The following GMPS variants were observed in gnomAD, a reference collection of about 807,000 sequenced individuals.
The protein encoded by GMPS is guanosine monophosphate synthase.
GMPS carries 15 observed loss-of-function variants against 77.9 expected under a neutral mutation model. The observed-to-expected ratio is 0.19, with a 90% confidence interval of 0.13 to 0.30. The LOEUF is 0.30. GMPS is among the 10% of genes least tolerant of loss of function. The pLI, the probability that GMPS is intolerant of heterozygous loss-of-function variation, is 1.00. For missense variants in GMPS, 590 were observed against 838.8 expected (o/e 0.70, Z 3.66); for synonymous variants, 224 against 275.9 (o/e 0.81, Z 1.86).
chr3:155,928,537 C>CT (rs201332484), intron 12 of GMPS, among the ~76,000 whole-genome samples: 3,395 of 147,612 alleles, frequency 0.023, 134 homozygotes, highest in East Asian at 0.16. Flanking sequence ...TTAAAATTAA[C>CT]TTTTTTTTTT....
At chr3:155,927,975 C>T (rs1367700055) in intron 12 of GMPS, among the ~76,000 whole-genome samples, 1 of 149,296 alleles carries the variant, frequency 6.7e-6, no homozygotes, top group African/African-American at 2.5e-5. Context: ...ATCAGTTATC[C>T]ATGTATTTAT....
chr3:155,913,157 G>T (rs1205515949), intron 7 of GMPS, among the ~76,000 whole-genome samples: 1 of 152,188 alleles, frequency 6.6e-6, no homozygotes, highest in African/African-American at 2.4e-5. Context: ...ATGCCAATAG[G>T]CAGGAGAGTA....
chr3:155,919,165 A>G lies in GMPS; in HGVS notation c.1213-68A>G, dbSNP rs1755257483. 1.3e-5 allele frequency: 9 copies of G among 680,832 alleles called. No homozygotes were observed. In the South Asian group the frequency reaches 1.7e-4, roughly 13 times the overall value. 42.2% of individuals were successfully genotyped at this position (680,832 alleles called of 1,614,324 possible). A position where few individuals can be genotyped will look rare whatever the true frequency, so the allele number is the denominator to read the frequency against. The stretch of plus-strand genomic sequence containing the variant: ...TGGTAACAGGAAAAGCCAATAATTT[A>G]TTACGCTTTGTTTTCCATGTCATCT... On this transcript the variant is annotated intron_variant, in intron 9 of 15. Coordinates refer to ENST00000496455, the MANE Select transcript of GMPS (RefSeq NM_003875.3).
At chr3:155,890,130 G>A (rs1197837492) in intron 1 of GMPS, among the ~76,000 whole-genome samples, 1 of 152,230 alleles carries the variant, frequency 6.6e-6, no homozygotes, top group Non-Finnish European at 1.5e-5. Flanking sequence ...TGTCAAAGCT[G>A]TGACAGTTGC....
chr3:155,877,727 A>C (rs1254953608), intron 1 of GMPS, among the ~76,000 whole-genome samples: 1 of 151,508 alleles, frequency 6.6e-6, no homozygotes, highest in Non-Finnish European at 1.5e-5. Flanking sequence ...GGACCTGCAG[A>C]TTCAGTGCCT....
Position 155,911,271 on chromosome 3 carries a change from A to G in GMPS, c.878A>G (p.Gln293Arg). The G allele has an allele frequency of 1.3e-6, 2 of 1,599,240 alleles. No individual in the cohort carries two copies. Among genetic ancestry groups the G allele is most frequent in the Non-Finnish European group, 8.5e-7 (1 of 1,174,306 alleles). Residue 293 changes from glutamine to arginine, a missense_variant, in exon 7 of 16, where the codon CAG becomes CGG. By Grantham distance (43) the Gln-to-Arg change is conservative (BLOSUM62 1). Transcript: ENST00000496455. ...GAGGCCCTCAAAAAGCTTGGAATTCAGGTCAAAGGTATTGAAGAACCTCAG... is the reference window on the plus strand; with the variant it reads ...GAGGCCCTCAAAAAGCTTGGAATTCGGGTCAAAGGTATTGAAGAACCTCAG... Reference protein sequence around the residue: ...VEEALKKLGIQVKVINAAHSF... With the variant: ...VEEALKKLGIRVKVINAAHSF...
chr3:155,927,026 A>T (rs1755475177), intron 12 of GMPS, among the ~76,000 whole-genome samples: 1 of 152,088 alleles, frequency 6.6e-6, no homozygotes, highest in Admixed American at 6.6e-5. Flanking sequence ...AAAAAAAAAA[A>T]AAATTGATTG....
intron 5 of GMPS, among the ~76,000 whole-genome samples, chr3:155,909,937 C>T (rs1310546384): frequency 6.7e-6 from 1 of 149,790 alleles, no homozygotes; most frequent in Non-Finnish European, 1.5e-5. Context: ...GCAGTAAATA[C>T]CCTGTCTAAA....
In GMPS at chr3:155,883,675, A is replaced by G. The variant is rs149108160; in HGVS notation, c.28-9843A>G. Reference sequence around the variant, plus strand: ...CTTTGGTTCTTCATGCAAACAGGCTATACATGTGCACATACTTAAAATCAC... The same window carrying G: ...CTTTGGTTCTTCATGCAAACAGGCTGTACATGTGCACATACTTAAAATCAC... On this transcript the variant is annotated intron_variant, in intron 1 of 15. Coordinates refer to ENST00000496455, the MANE Select transcript of GMPS (RefSeq NM_003875.3). 3.1e-3 allele frequency among the ~76,000 whole-genome samples: 474 copies of G among 152,306 alleles called. 1 individual carries two copies. Among genetic ancestry groups the G allele is most frequent in the Admixed American group, 6.4e-3 (98 of 15,298 alleles).
chr3:155,924,478 G>A (rs184387772), intron 11 of GMPS, among the ~76,000 whole-genome samples: 143 of 152,290 alleles, frequency 9.4e-4, no homozygotes, highest in Non-Finnish European at 1.6e-3. Flanking sequence ...TTGCCAGAAG[G>A]ACAGAAGATT....
At chr3:155,912,816 G>A (rs1156478680) in intron 7 of GMPS, among the ~76,000 whole-genome samples, 1 of 152,172 alleles carries the variant, frequency 6.6e-6, no homozygotes. Flanking sequence ...GATTTGTGCT[G>A]TAGACTTCTG....
intron 1 of GMPS, among the ~76,000 whole-genome samples, chr3:155,889,387 G>A (rs999533044): frequency 4.6e-5 from 7 of 152,134 alleles, no homozygotes; most frequent in Non-Finnish European, 7.4e-5. Context: ...GTCTTACCTT[G>A]GGTTCCCTGC....
chr3:155,913,964 G>A (rs12497968), intron 7 of GMPS, among the ~76,000 whole-genome samples: 1 of 148,286 alleles, frequency 6.7e-6, no homozygotes, highest in Non-Finnish European at 1.5e-5. Flanking sequence ...TTTTTTTTTT[G>A]GGGATGGAGT....
intron 1 of GMPS, among the ~76,000 whole-genome samples, chr3:155,886,318 G>A (rs949090593): frequency 1.3e-5 from 2 of 148,472 alleles, no homozygotes; most frequent in Admixed American, 6.7e-5. Context: ...GCTCACACCT[G>A]TAATCCCAGC....
intron 1 of GMPS, among the ~76,000 whole-genome samples, chr3:155,889,575 G>T (rs1754416290): frequency 6.6e-6 from 1 of 152,062 alleles, no homozygotes; most frequent in African/African-American, 2.4e-5. Context: ...TTGTGGCTGT[G>T]GTAGTTTGTC....
chr3:155,922,844 A>G (rs1755351303), intron 11 of GMPS, among the ~76,000 whole-genome samples: 1 of 152,140 alleles, frequency 6.6e-6, no homozygotes, highest in Non-Finnish European at 1.5e-5. Flanking sequence ...TAATTTATGT[A>G]ATGTGTGTGG....
At chr3:155,931,673 CTTT>C (rs201644213) in intron 12 of GMPS, 89 bp from the exon 13 acceptor site, 220 of 468,724 alleles carry the variant, frequency 4.7e-4, no homozygotes, top group African/African-American at 2.8e-3. Context: ...TGCATCTTTT[CTTT>C]TTTTTTTAAA....
chr3:155,874,789 T>C (rs555355015), intron 1 of GMPS, among the ~76,000 whole-genome samples: 2 of 152,326 alleles, frequency 1.3e-5, no homozygotes, highest in African/African-American at 4.8e-5. Flanking sequence ...TTGATACTTT[T>C]TTAAGGTTAA....
chr3:155,933,232 T>G (rs1577537640), intron 13 of GMPS, among the ~76,000 whole-genome samples: 1 of 152,154 alleles, frequency 6.6e-6, no homozygotes, highest in East Asian at 1.9e-4. Context: ...TTGGTGAACT[T>G]TAGATTTATT....
Sources: gnomAD v4.1 joint callset for allele counts (sites outside exome capture counted in the v4.1 genomes callset) on GRCh38, gnomAD v4.1.1 for gene constraint, MANE v1.5 for transcripts, NCBI Gene and HGNC (gene_info 2026-07-23, HGNC 2026-07-21) for gene names.